Variants in REC114 observed in about 807,000 individuals in gnomAD.
The protein encoded by REC114 is REC114 meiotic recombination protein.
REC114 carries 27 observed loss-of-function variants against 31.3 expected under a neutral mutation model. That is an observed-to-expected ratio of 0.86 (90% confidence interval 0.64 to 1.19). The LOEUF (loss-of-function observed/expected upper bound fraction) is 1.19. Ranked by LOEUF, REC114 falls within the 50% of genes most tolerant of loss-of-function variation. The pLI is 0.00. For synonymous variants in REC114, 134 were observed against 127.7 expected (o/e 1.05, Z -0.33); for missense variants, 344 against 326.9 (o/e 1.05, Z -0.40).
At chr15:73,541,150 G>A (rs767092171) in intron 3 of REC114, among the ~76,000 whole-genome samples, 4 of 152,222 alleles carry the variant, frequency 2.6e-5, no homozygotes, top group African/African-American at 7.2e-5. Context: ...AGAGTTAGAC[G>A]ATTATCTAGT....
chr15:73,480,234 T>C (rs937262481), intron 2 of REC114, among the ~76,000 whole-genome samples: 1 of 152,136 alleles, frequency 6.6e-6, no homozygotes, highest in African/African-American at 2.4e-5. Flanking sequence ...TTTATGTCAT[T>C]TGTGGAAAAT....
chr15:73,479,228 G>A (rs931040869), intron 2 of REC114, among the ~76,000 whole-genome samples: 5 of 150,532 alleles, frequency 3.3e-5, no homozygotes, highest in African/African-American at 1.2e-4. Flanking sequence ...ATAAAACCAG[G>A]GAAGTTCCCT....
At position 73,533,639 on chromosome 15, in the gene REC114, G is replaced by A. The variant is rs1470172694; in HGVS notation, c.250-6846G>A. Among the ~76,000 whole-genome samples, 18 of 149,514 alleles carry A rather than the reference G, an allele frequency of 1.2e-4. No individual in the cohort carries two copies. The South Asian group carries it at 3.8e-3, about 32-fold the overall frequency. On this transcript the variant is annotated intron_variant, in intron 2 of 5. Transcript: ENST00000331090. Reference sequence around the variant, plus strand: ...ATTAGACAGATCAATGAGACAGAAAGTCAACAAGGATACCCAGGAATTGAA... The same window carrying A: ...ATTAGACAGATCAATGAGACAGAAAATCAACAAGGATACCCAGGAATTGAA...
intron 2 of REC114, among the ~76,000 whole-genome samples, chr15:73,538,736 T>G (rs1484346031): frequency 6.6e-6 from 1 of 152,068 alleles, no homozygotes; most frequent in Non-Finnish European, 1.5e-5. Flanking sequence ...ATTACAGGCG[T>G]GAGCCACCGC....
chr15:73,446,004 C>T (rs577666257), intron 1 of REC114, among the ~76,000 whole-genome samples: 108 of 152,242 alleles, frequency 7.1e-4, no homozygotes, highest in Non-Finnish European at 1.4e-3. Flanking sequence ...AATGTAATAT[C>T]TGTGAAGTGC....
intron 2 of REC114, among the ~76,000 whole-genome samples, chr15:73,509,766 A>G (rs1413417604): frequency 1.3e-5 from 2 of 150,590 alleles, no homozygotes; most frequent in African/African-American, 4.9e-5. Context: ...ATGCGGCGTT[A>G]TTTCTGAGGG....
At chr15:73,481,485 A>C (rs757475026) in intron 2 of REC114, among the ~76,000 whole-genome samples, 3 of 152,050 alleles carry the variant, frequency 2.0e-5, no homozygotes, top group Non-Finnish European at 4.4e-5. Context: ...AGGCTGAGAT[A>C]TCTTGACCCC....
At chr15:73,532,750 T>C (rs1894103260) in intron 2 of REC114, among the ~76,000 whole-genome samples, 1 of 151,996 alleles carries the variant, frequency 6.6e-6, no homozygotes, top group African/African-American at 2.4e-5. Flanking sequence ...TCACCAAAGT[T>C]GAAATAAAGG....
At chr15:73,516,106 C>T (rs1379330432) in intron 2 of REC114, among the ~76,000 whole-genome samples, 2 of 151,872 alleles carry the variant, frequency 1.3e-5, no homozygotes, top group Admixed American at 6.6e-5. Flanking sequence ...CCTGCCACAG[C>T]CCCCCAATAG....
intron 2 of REC114, among the ~76,000 whole-genome samples, chr15:73,514,346 C>T (rs1893827160): frequency 6.6e-6 from 1 of 151,790 alleles, no homozygotes; most frequent in Admixed American, 6.5e-5. Flanking sequence ...CACTGTCTGG[C>T]ACTCCCTAGT....
intron 1 of REC114, among the ~76,000 whole-genome samples, chr15:73,454,310 C>A (rs1309328984): frequency 6.6e-6 from 1 of 152,074 alleles, no homozygotes; most frequent in African/African-American, 2.4e-5. Context: ...TAAGGGATAT[C>A]TATTCCATTC....
At position 73,551,025 on chromosome 15, in the gene REC114, G is replaced by A. The variant is rs753874482; in HGVS notation, c.421G>A (p.Ala141Thr). The change falls in exon 4 of 6, where the codon GCA becomes ACA. Residue 141 changes from alanine (A) to threonine (T), a missense_variant. Coordinates refer to ENST00000331090, the MANE Select transcript of REC114 (RefSeq NM_001042367.2). ...CTGCTGCAGTTGTGTTCAGAAGCTGGCACAATACATAACCGTGCAGGTGCC... is the reference window on the plus strand; with the variant it reads ...CTGCTGCAGTTGTGTTCAGAAGCTGACACAATACATAACCGTGCAGGTGCC... ...EHCCSCVQKL[A>T]QYITVQVPDG... The A allele has an allele frequency of 3.7e-6, 6 of 1,613,896 alleles. No homozygotes were observed. Among genetic ancestry groups the A allele is most frequent in the South Asian group, 1.1e-5 (1 of 91,080 alleles).
At chr15:73,503,991 A>G (rs1893637489) in intron 2 of REC114, among the ~76,000 whole-genome samples, 2 of 141,282 alleles carry the variant, frequency 1.4e-5, no homozygotes, top group African/African-American at 2.6e-5. Context: ...AAATTCTCCC[A>G]TAGGAATTTT....
At chr15:73,472,274 A>G (rs1385312880) in intron 1 of REC114, among the ~76,000 whole-genome samples, 3 of 152,230 alleles carry the variant, frequency 2.0e-5, no homozygotes, top group East Asian at 1.9e-4. Flanking sequence ...TTAAACTGTG[A>G]CAAGAAGAGT....
intron 3 of REC114, among the ~76,000 whole-genome samples, chr15:73,545,461 G>T (rs557410381): frequency 6.6e-6 from 1 of 152,280 alleles, no homozygotes; most frequent in East Asian, 1.9e-4. Context: ...TGGCATTGAG[G>T]ATATAGGATG....
chr15:73,489,607 ATTAAC>A (rs1893417902), intron 2 of REC114, among the ~76,000 whole-genome samples: 1 of 151,838 alleles, frequency 6.6e-6, no homozygotes, highest in African/African-American at 2.4e-5. Flanking sequence ...TTATATTATT[ATTAAC>A]TTATTATGTA....
intron 2 of REC114, among the ~76,000 whole-genome samples, chr15:73,498,876 T>C (rs181703404): frequency 2.0e-5 from 3 of 152,298 alleles, no homozygotes; most frequent in African/African-American, 7.2e-5. Flanking sequence ...GATACTATTT[T>C]GTGTCAGTTA....
In REC114 at chr15:73,444,045, C is replaced by T. The variant is rs144959758; in HGVS notation, c.159+701C>T. Reference sequence around the variant, plus strand: ...AAAACAATTATGTCTAAAAGAACAACGTACCCACCTTGATTCGAGAATACT... The same window carrying T: ...AAAACAATTATGTCTAAAAGAACAATGTACCCACCTTGATTCGAGAATACT... On this transcript the variant is annotated intron_variant, in intron 1 of 5. Transcript: ENST00000331090. Among the ~76,000 whole-genome samples the T allele has an allele frequency of 2.7e-3, 405 of 152,280 alleles. 2 individuals carry two copies. The highest frequency in any genetic ancestry group is 9.4e-3 in the African/African-American group (390 of 41,544).
intron 2 of REC114, among the ~76,000 whole-genome samples, chr15:73,504,820 GTGGGTTTTGTTTTAA>G (rs1019908620): frequency 6.6e-6 from 1 of 152,092 alleles, no homozygotes; most frequent in Non-Finnish European, 1.5e-5. Flanking sequence ...AAAAAATTTT[GTGGGTTTTGTTTTAA>G]TGGGTTTTGT....
Sources: gnomAD v4.1 joint callset for allele counts (sites outside exome capture counted in the v4.1 genomes callset) on GRCh38, gnomAD v4.1.1 for gene constraint, MANE v1.5 for transcripts, NCBI Gene and HGNC (gene_info 2026-07-23, HGNC 2026-07-21) for gene names.